Variants in ANK2 observed in about 807,000 individuals in gnomAD.
ANK2 encodes the protein ankyrin-2.
In ANK2, 83 loss-of-function variants were observed where a neutral mutation model predicts 360.5. The ratio of observed to expected loss-of-function variants is 0.23; its 90% CI spans 0.19 to 0.28. The LOEUF (loss-of-function observed/expected upper bound fraction) is 0.28. Among genes scored for constraint, ANK2 ranks in the 10% least tolerant of loss-of-function variants. ANK2 has a pLI of 1.00. For synonymous variants in ANK2, 1,740 were observed against 1,759.5 expected, an observed-to-expected ratio of 0.99 and a Z score of 0.28; for missense variants, 4,201 against 4,795.7, an observed-to-expected ratio of 0.88 and a Z score of 3.66.
At chr4:113,304,616 TGTTA>T (rs1316260602) in intron 23 of ANK2, among the ~76,000 whole-genome samples, 1 of 152,204 alleles carries the variant, frequency 6.6e-6, no homozygotes, top group African/African-American at 2.4e-5. Context: ...GTAATTCTTT[TGTTA>T]GTTGACATTG....
the ANK2 span, among the ~76,000 whole-genome samples, chr4:112,713,509 C>A: frequency 6.6e-6 from 1 of 151,910 alleles, no homozygotes; most frequent in African/African-American, 2.4e-5. Flanking sequence ...GCGGAGGTTG[C>A]GGTGAGCTGA....
chr4:113,271,440 T>G (rs916608181), intron 14 of ANK2, among the ~76,000 whole-genome samples: 3 of 151,266 alleles, frequency 2.0e-5, no homozygotes, highest in Non-Finnish European at 4.4e-5. Flanking sequence ...TTTTACCTCT[T>G]GATTTCTCAC....
At chr4:113,150,203 C>T (rs959290491) in intron 1 of ANK2, among the ~76,000 whole-genome samples, 2 of 152,264 alleles carry the variant, frequency 1.3e-5, no homozygotes, top group Non-Finnish European at 2.9e-5. Flanking sequence ...GCAGCTGTTA[C>T]TATGAACCTA....
At position 113,283,804 on chromosome 4, in the gene ANK2, C is replaced by T. The variant is rs115552793; in HGVS notation, c.2079+932C>T. The stretch of plus-strand genomic sequence containing the variant: ...CATTATATGAGCTTAGTGAAAATTA[C>T]GTTTCTTAGCTCCTTCCATAAATAT... On this transcript the variant is annotated intron_variant, in intron 18 of 45. Transcript: ENST00000357077. Among the ~76,000 whole-genome samples the T allele has an allele frequency of 1.1e-3, 169 of 152,262 alleles. 1 individual carries two copies. The highest frequency in any genetic ancestry group is 3.6e-3 in the African/African-American group (149 of 41,562).
At chr4:112,799,328 T>A in the ANK2 span, among the ~76,000 whole-genome samples, 1 of 152,294 alleles carries the variant, frequency 6.6e-6, no homozygotes, top group Admixed American at 6.5e-5. Context: ...TTCTTTCTGG[T>A]ATGTGCCCAT....
At chr4:113,029,079 A>C (rs746457465) in intron 2 of ANK2, among the ~76,000 whole-genome samples, 2 of 152,126 alleles carry the variant, frequency 1.3e-5, no homozygotes, top group South Asian at 4.1e-4. Context: ...TAAAAATAAA[A>C]AGCTGGATTT....
intron 2 of ANK2, among the ~76,000 whole-genome samples, chr4:112,984,343 C>T (rs772207735): frequency 6.6e-5 from 10 of 152,088 alleles, no homozygotes; most frequent in Non-Finnish European, 1.2e-4. Context: ...GCTGAGGAAG[C>T]CTCACAATCA....
intron 10 of ANK2, among the ~76,000 whole-genome samples, chr4:113,254,055 C>T (rs1016888091): frequency 6.6e-6 from 1 of 152,244 alleles, no homozygotes; most frequent in African/African-American, 2.4e-5. Context: ...AGGTGTTTTT[C>T]CCCCAAGTCA....
chr4:112,877,326 T>C (rs991752182), intron 1 of ANK2, among the ~76,000 whole-genome samples: 16 of 152,198 alleles, frequency 1.1e-4, no homozygotes, highest in Admixed American at 8.5e-4. Context: ...ATCAGTTCTA[T>C]TGCCTACTGC....
At chr4:113,327,017 T>A (rs991609937) in intron 26 of ANK2, among the ~76,000 whole-genome samples, 16 of 151,986 alleles carry the variant, frequency 1.1e-4, no homozygotes, top group African/African-American at 3.6e-4. Context: ...GAAAAAAAAA[T>A]TGTTTTTTCT....
intron 7 of ANK2, 137 bp downstream of exon 7, chr4:113,237,759 A>G (rs1314440329): frequency 7.7e-6 from 6 of 779,554 alleles, no homozygotes; most frequent in Non-Finnish European, 1.1e-5. Context: ...CCTTCCCCAT[A>G]ATGAAGGCAA....
At chr4:112,882,205 A>AT (rs898723384) in intron 1 of ANK2, 30 of 168,236 alleles carry the variant, frequency 1.8e-4, no homozygotes, top group African/African-American at 2.6e-4. Context: ...GCAGCCCTTG[A>AT]TTTTTTTTTA....
At chr4:113,318,107 A>G (rs1295282818) in intron 25 of ANK2, among the ~76,000 whole-genome samples, 1 of 152,250 alleles carries the variant, frequency 6.6e-6, no homozygotes, top group Non-Finnish European at 1.5e-5. Context: ...ATTAAAGGAA[A>G]AAGTGAAGTA....
At chr4:112,749,119 C>T in the ANK2 span, among the ~76,000 whole-genome samples, 3 of 152,112 alleles carry the variant, frequency 2.0e-5, no homozygotes, top group African/African-American at 4.8e-5. Context: ...AGGCTAGTCT[C>T]GAACTGCTGA....
rs868828587 is a variant in ANK2, at chr4:113,354,344, A to G, written c.5726A>G (p.Lys1909Arg). ...CACCCACCTGTTTCGCCTTCAGGCA[A>G]AACAGACAAACGTCCACCTGTATCG... ...ERHPPVSPSG[K>R]TDKRPPVSPS... The change falls in exon 38 of 46, where the codon AAA becomes AGA. Residue 1909 changes from lysine (K) to arginine (R), a missense_variant. This residue lies in a region of ANK2 where 2,642 missense variants were observed against 2,714.5 expected (regional missense o/e 0.97). Coordinates refer to ENST00000357077, the MANE Select transcript of ANK2 (RefSeq NM_001148.6). 1 of 1,614,044 alleles carries G rather than the reference A, an allele frequency of 6.2e-7. No homozygotes were observed. Among genetic ancestry groups the G allele is most frequent in the African/African-American group, 1.3e-5 (1 of 74,936 alleles).
At chr4:112,898,651 G>C (rs968285427) in intron 1 of ANK2, among the ~76,000 whole-genome samples, 1 of 151,944 alleles carries the variant, frequency 6.6e-6, no homozygotes, top group African/African-American at 2.4e-5. Context: ...AAAAATTCTA[G>C]ATTCCATATT....
intron 4 of ANK2, among the ~76,000 whole-genome samples, chr4:113,220,317 T>C (rs1157264374): frequency 6.6e-6 from 1 of 152,160 alleles, no homozygotes; most frequent in Non-Finnish European, 1.5e-5. Flanking sequence ...AGGAGAGAAG[T>C]TCAGCTTTAT....
chr4:112,770,810 G>A, the ANK2 span, among the ~76,000 whole-genome samples: 8 of 152,286 alleles, frequency 5.3e-5, no homozygotes, highest in East Asian at 1.2e-3. Flanking sequence ...GACTGAGGGT[G>A]GGGGCCAAGA....
At position 113,214,448 on chromosome 4, in the gene ANK2, T is replaced by C. The variant is rs1331978851; in HGVS notation, c.384+15339T>C. 6.5e-5 allele frequency: 49 copies of C among 757,754 alleles called. 5 individuals carry two copies. Among genetic ancestry groups the C allele is most frequent in the Non-Finnish European group, 1.1e-4 (47 of 436,866 alleles). The allele number at this position is 757,754 out of a possible 1,614,324, so 46.9% of individuals were successfully genotyped here. On this transcript the variant is annotated intron_variant, in intron 4 of 45. Transcript: ENST00000357077. ...AAAATGCTGTTTTATACAGAAGTTA[T>C]GATTATTTAAATAAACAATCTGGAA...
Sources: allele counts gnomAD v4.1 joint callset (sites outside exome capture counted in the v4.1 genomes callset), GRCh38; gene constraint gnomAD v4.1.1; regional missense constraint gnomAD v4.1.1; transcripts MANE v1.5; gene names NCBI Gene and HGNC (gene_info 2026-07-23, HGNC 2026-07-21).